Variants in KCNU1 observed in about 807,000 individuals in gnomAD.
KCNU1 encodes potassium channel subfamily U member 1.
In KCNU1, 93 loss-of-function variants were observed where a neutral mutation model predicts 126.8. The ratio of observed to expected loss-of-function variants is 0.73; its 90% CI spans 0.62 to 0.87. The LOEUF is 0.87. KCNU1 is among the 40% of genes least tolerant of loss of function. The probability of loss-of-function intolerance (pLI) is 0.00; values close to 1 mark genes in which losing one functional copy is unlikely to be tolerated. For synonymous variants in KCNU1, 523 were observed against 494.2 expected (o/e 1.06, Z -0.77); for missense variants, 1,330 against 1,367.1 (o/e 0.97, Z 0.43).
intron 25 of KCNU1, among the ~76,000 whole-genome samples, chr8:36,932,151 C>G (rs768738145): frequency 1.1e-4 from 17 of 152,144 alleles, no homozygotes; most frequent in Non-Finnish European, 2.2e-4. Flanking sequence ...ATTAGCATTT[C>G]AGGTGTAAAC....
intron 13 of KCNU1, 136 bp downstream of exon 13, chr8:36,836,501 A>T: frequency 1.6e-6 from 1 of 641,860 alleles, no homozygotes; most frequent in South Asian, 2.0e-5. Flanking sequence ...ATTAAGATGG[A>T]TAATCACTTA....
chr8:36,887,193 A>G (rs1474312618), intron 19 of KCNU1, among the ~76,000 whole-genome samples: 2 of 152,138 alleles, frequency 1.3e-5, no homozygotes, highest in Admixed American at 1.3e-4. Context: ...TGAATGGTAG[A>G]TCTGCTTGTG....
At chr8:36,874,959 A>C (rs1169805964) in intron 19 of KCNU1, among the ~76,000 whole-genome samples, 1 of 151,956 alleles carries the variant, frequency 6.6e-6, no homozygotes, top group Non-Finnish European at 1.5e-5. Flanking sequence ...AGGGGTTCTA[A>C]GCCCACTTCC....
intron 2 of KCNU1, among the ~76,000 whole-genome samples, chr8:36,801,052 G>A (rs1270227690): frequency 6.6e-6 from 1 of 152,258 alleles, no homozygotes; most frequent in South Asian, 2.1e-4. Flanking sequence ...AGCCACATGG[G>A]TCATCATAAA....
intron 19 of KCNU1, among the ~76,000 whole-genome samples, chr8:36,894,789 A>G (rs544276442): frequency 1.3e-5 from 2 of 152,300 alleles, no homozygotes; most frequent in African/African-American, 4.8e-5. Flanking sequence ...ATTACAGATG[A>G]TACAAAAATA....
rs1222496241 is a variant in KCNU1 at position 36,806,181 on chromosome 8, G to A, written c.469-88G>A. On this transcript the variant is annotated intron_variant, in intron 4 of 26. Coordinates refer to ENST00000399881, the MANE Select transcript of KCNU1 (RefSeq NM_001031836.3). Reference sequence around the variant, plus strand: ...AGGAGATCAAGGCTTCAGCTGATAAGTAAAATGCAGCTGAATAATGCTATC... The same window carrying A: ...AGGAGATCAAGGCTTCAGCTGATAAATAAAATGCAGCTGAATAATGCTATC... 4 of 722,008 alleles carry A rather than the reference G, an allele frequency of 5.5e-6. No individual in the cohort carries two copies. The Admixed American group carries it at 8.4e-5, about 15-fold the overall frequency. 44.7% of individuals were successfully genotyped at this position (722,008 alleles called of 1,614,324 possible).
At chr8:36,842,924 A>G (rs1805010202) in intron 16 of KCNU1, among the ~76,000 whole-genome samples, 1 of 152,170 alleles carries the variant, frequency 6.6e-6, no homozygotes, top group Non-Finnish European at 1.5e-5. Context: ...TCGGCTTCCC[A>G]AAGTGCTGGG....
At chr8:36,881,234 GT>G (rs896938400) in intron 19 of KCNU1, among the ~76,000 whole-genome samples, 6 of 152,164 alleles carry the variant, frequency 3.9e-5, no homozygotes, top group Admixed American at 1.3e-4. Flanking sequence ...CCAGCCAACT[GT>G]TTTTTTGTTT....
intron 19 of KCNU1, among the ~76,000 whole-genome samples, chr8:36,905,250 A>T (rs951412832): frequency 6.6e-6 from 1 of 152,062 alleles, no homozygotes; most frequent in Non-Finnish European, 1.5e-5. Context: ...TTCAACAGGG[A>T]CCCATTCAGA....
At position 36,917,546 on chromosome 8, in the gene KCNU1, A is replaced by G. The variant is rs577588004; in HGVS notation, c.2522-1277A>G. On this transcript the variant is annotated intron_variant, in intron 22 of 26. Coordinates refer to ENST00000399881, the MANE Select transcript of KCNU1 (RefSeq NM_001031836.3). ...TTTTTTTTTAATTTTTGTAGAGAAC[A>G]GGTCTCTCTATGTTGCCCAGGATTG... Among the ~76,000 whole-genome samples the G allele has an allele frequency of 1.5e-3, 231 of 151,250 alleles. 1 individual carries two copies. The highest frequency in any genetic ancestry group is 2.6e-3 in the Non-Finnish European group (175 of 67,818).
chr8:36,795,918 C>T (rs1341460683), intron 2 of KCNU1: 1 of 152,246 alleles, frequency 6.6e-6, no homozygotes, highest in African/African-American at 2.4e-5. Flanking sequence ...CACCACAAGC[C>T]CAGGCTAGGT....
chr8:36,899,266 C>A (rs1807320920), intron 19 of KCNU1, among the ~76,000 whole-genome samples: 1 of 149,576 alleles, frequency 6.7e-6, no homozygotes. Flanking sequence ...GATCTTGGGT[C>A]TAACTTCTAA....
chr8:36,850,104 A>G (rs1805288733), intron 18 of KCNU1, among the ~76,000 whole-genome samples: 1 of 152,202 alleles, frequency 6.6e-6, no homozygotes, highest in Non-Finnish European at 1.5e-5. Flanking sequence ...TTGACCATTT[A>G]CATATCTTCT....
chr8:36,812,697 C>T (rs1803769091), intron 7 of KCNU1, among the ~76,000 whole-genome samples: 1 of 152,052 alleles, frequency 6.6e-6, no homozygotes, highest in East Asian at 1.9e-4. Context: ...ATATTTCCCA[C>T]CTTGGACTGA....
intron 22 of KCNU1, among the ~76,000 whole-genome samples, chr8:36,913,396 G>A (rs1484339767): frequency 6.6e-6 from 1 of 152,094 alleles, no homozygotes; most frequent in East Asian, 1.9e-4. Flanking sequence ...GAATGCCAAA[G>A]TATTTGAATC....
At chr8:36,835,880 G>T (rs1320486562) in intron 12 of KCNU1, among the ~76,000 whole-genome samples, 1 of 152,134 alleles carries the variant, frequency 6.6e-6, no homozygotes, top group African/African-American at 2.4e-5. Flanking sequence ...ATATGACGTA[G>T]ATCTTAGTTT....
At chr8:36,903,502 C>A (rs998105010) in intron 19 of KCNU1, among the ~76,000 whole-genome samples, 1 of 151,970 alleles carries the variant, frequency 6.6e-6, no homozygotes, top group Non-Finnish European at 1.5e-5. Context: ...CTGTAGGGGA[C>A]AATAACAGAT....
At chr8:36,858,640 TATAAAG>T (rs1805619644) in intron 18 of KCNU1, among the ~76,000 whole-genome samples, 1 of 152,112 alleles carries the variant, frequency 6.6e-6, no homozygotes, top group African/African-American at 2.4e-5. Flanking sequence ...AAAAATGTTT[TATAAAG>T]ATAAATAATC....
intron 7 of KCNU1, 24 bp downstream of exon 7, chr8:36,808,817 A>G: frequency 6.4e-7 from 1 of 1,552,450 alleles, no homozygotes; most frequent in South Asian, 1.1e-5. Flanking sequence ...CACAATCCCT[A>G]GTGGTGTCTG....
Sources: allele counts gnomAD v4.1 joint callset (sites outside exome capture counted in the v4.1 genomes callset), GRCh38; gene constraint gnomAD v4.1.1; transcripts MANE v1.5; gene names NCBI Gene and HGNC (gene_info 2026-07-23, HGNC 2026-07-21).